Variants in OGDH observed in about 807,000 individuals in gnomAD.
OGDH encodes the protein 2-oxoglutarate dehydrogenase complex component E1.
Under a neutral mutation model 116.6 loss-of-function variants are expected in OGDH, and 38 were observed. The observed-to-expected ratio is 0.33, with a 90% CI of 0.25 to 0.43. The LOEUF (loss-of-function observed/expected upper bound fraction) is 0.43. Among genes scored for constraint, OGDH ranks in the 20% least tolerant of loss-of-function variants. The probability of loss-of-function intolerance (pLI) is 1.00; values close to 1 mark genes in which losing one functional copy is unlikely to be tolerated. For synonymous variants in OGDH, 488 were observed against 533.3 expected, an observed-to-expected ratio of 0.92 and a Z score of 1.17; for missense variants, 825 against 1,357.2, an observed-to-expected ratio of 0.61 and a Z score of 6.16.
intron 9 of OGDH, among the ~76,000 whole-genome samples, chr7:44,680,261 CCCTCTT>C (rs1044329556): frequency 3.3e-4 from 50 of 152,198 alleles, no homozygotes; most frequent in African/African-American, 1.2e-3. Context: ...TTCTCTCTCT[CCCTCTT>C]CCTCTTCACC....
chr7:44,681,975 A>G, intron 10 of OGDH, 127 bp downstream of exon 10: 3 of 1,256,346 alleles, frequency 2.4e-6, no homozygotes, highest in East Asian at 4.9e-5. Flanking sequence ...AACCAGGTGC[A>G]GTGGCTCACG....
rs1396720521 is a variant in OGDH, at chr7:44,708,159, C to T, written c.*160C>T. 2 of 1,029,282 alleles carry T rather than the reference C, an allele frequency of 1.9e-6. No individual in the cohort carries two copies. The highest frequency in any genetic ancestry group is 2.6e-5 in the East Asian group (1 of 39,150). 63.8% of individuals were successfully genotyped at this position (1,029,282 alleles called of 1,614,324 possible). On this transcript the variant is annotated 3_prime_UTR_variant, in exon 23 of 23. Transcript: ENST00000222673. The stretch of plus-strand genomic sequence containing the variant: ...CTCATAGGAGTTAGGCTGTCGTCCC[C>T]CTCCAGTGCTTGGCTGCCCCACAGG...
rs144402620 is a variant in OGDH at position 44,707,731 on chromosome 7, C to T, written c.2946C>T (p.Pro982=). 28 of 1,614,126 alleles carry T rather than the reference C, an allele frequency of 1.7e-5. No homozygotes were observed. The highest frequency in any genetic ancestry group is 8.0e-5 in the African/African-American group (6 of 75,036). Residue 982 remains proline (P), a synonymous_variant, in exon 22 of 23, where the codon CCC becomes CCT. Transcript: ENST00000222673. This position sits in a 1 kb window ranked among gnomAD's most constrained non-coding sequence, Gnocchi z 5.2. ...RLRTTISRAK[P]VWYAGRDPAA... Reference sequence around the variant, plus strand: ...GGACCACCATCAGCCGCGCCAAGCCCGTCTGGTAAGGCTTCAGTCCCTGCC... The same window carrying T: ...GGACCACCATCAGCCGCGCCAAGCCTGTCTGGTAAGGCTTCAGTCCCTGCC...
chr7:44,687,510 G>A (rs959407885), intron 10 of OGDH, among the ~76,000 whole-genome samples: 15 of 152,148 alleles, frequency 9.9e-5, no homozygotes, highest in Admixed American at 3.9e-4. Context: ...CCACCTCCGA[G>A]GCTCAAGCAA....
chr7:44,620,051 C>T (rs1386193020), intron 1 of OGDH, among the ~76,000 whole-genome samples: 2 of 152,084 alleles, frequency 1.3e-5, no homozygotes, highest in East Asian at 3.9e-4. Context: ...GACAGAGTCT[C>T]GCTCTGTCAC....
At chr7:44,675,333 T>C in intron 8 of OGDH, 65 bp downstream of exon 8, 1 of 1,322,934 alleles carries the variant, frequency 7.6e-7, no homozygotes, top group Non-Finnish European at 1.1e-6. Context: ...CTGGCTCCAC[T>C]TCTTTCTTAG....
At chr7:44,653,265 G>T (rs1387609310) in intron 4 of OGDH, among the ~76,000 whole-genome samples, 1 of 151,948 alleles carries the variant, frequency 6.6e-6, no homozygotes, top group East Asian at 1.9e-4. Flanking sequence ...GCTAATTTTT[G>T]TATTTTTAGT....
At chr7:44,657,427 T>TA (rs1562646214) in intron 4 of OGDH, among the ~76,000 whole-genome samples, 1 of 152,238 alleles carries the variant, frequency 6.6e-6, no homozygotes, top group African/African-American at 2.4e-5. Flanking sequence ...TGTGAATCAA[T>TA]AGTTTGTTCC....
chr7:44,607,581 C>G (rs1488755025), intron 1 of OGDH, among the ~76,000 whole-genome samples: 1 of 152,186 alleles, frequency 6.6e-6, no homozygotes, highest in Admixed American at 6.5e-5. Flanking sequence ...GCACTAGTTG[C>G]AACAGTCAAA....
At position 44,673,826 on chromosome 7, in the gene OGDH, A is replaced by G; in HGVS notation, c.673A>G (p.Ile225Val). 2 of 1,614,220 alleles carry G rather than the reference A, an allele frequency of 1.2e-6. No individual in the cohort carries two copies. The highest frequency in any genetic ancestry group is 1.7e-6 in the Non-Finnish European group (2 of 1,180,030). Residue 225 changes from isoleucine (I) to valine (V), a missense_variant, in exon 6 of 23, where the codon ATC (isoleucine) becomes GTC (valine). Ile to Val is a conservative substitution (Grantham distance 29). Coordinates refer to ENST00000222673, the MANE Select transcript of OGDH (RefSeq NM_002541.4). The part of the protein sequence containing the change: ...CQHIGVEFMF[I>V]NDLEQCQWIR... Reference sequence around the variant, plus strand: ...GCATATTGGGGTGGAGTTCATGTTCATCAATGACCTGGAGCAGTGCCAGTG... The same window carrying G: ...GCATATTGGGGTGGAGTTCATGTTCGTCAATGACCTGGAGCAGTGCCAGTG...
chr7:44,707,557 T>G lies in OGDH; in HGVS notation c.2797-25T>G, dbSNP rs1182810005. 6.2e-7 allele frequency: 1 copy of G among 1,612,078 alleles called. No homozygotes were observed. The highest frequency in any genetic ancestry group is 8.5e-7 in the Non-Finnish European group (1 of 1,179,438). The stretch of plus-strand genomic sequence containing the variant: ...GCCTGCCCTCTGAGTTTCCTCTTTT[T>G]GATCTGACCCCTGCTGTCTCCTAGC... On this transcript the variant is annotated intron_variant, in intron 21 of 22. Transcript: ENST00000222673. The surrounding 1 kb of genome is among the most constrained non-coding windows in gnomAD (Gnocchi z 5.2).
At chr7:44,704,566 T>A (rs144360930) in intron 20 of OGDH, among the ~76,000 whole-genome samples, 241 of 152,206 alleles carry the variant, frequency 1.6e-3, no homozygotes, top group African/African-American at 5.1e-3. Flanking sequence ...TGTTTTTGAG[T>A]CTTAAGAGTT....
intron 3 of OGDH, among the ~76,000 whole-genome samples, chr7:44,646,762 A>G (rs558004187): frequency 2.4e-4 from 36 of 152,238 alleles, no homozygotes; most frequent in African/African-American, 8.4e-4. Context: ...GTGGTGTAGC[A>G]GGGTTTTTTT....
intron 1 of OGDH, among the ~76,000 whole-genome samples, chr7:44,620,526 A>T (rs1784970281): frequency 6.6e-6 from 1 of 152,226 alleles, no homozygotes; most frequent in South Asian, 2.1e-4. Flanking sequence ...TGTCTATGCA[A>T]CTTCATTCCT....
intron 4 of OGDH, among the ~76,000 whole-genome samples, chr7:44,654,152 G>A (rs952284208): frequency 1.3e-5 from 2 of 152,232 alleles, no homozygotes; most frequent in Non-Finnish European, 2.9e-5. Flanking sequence ...ACCACGCTCC[G>A]TGAGATGTAC....
intron 4 of OGDH, among the ~76,000 whole-genome samples, chr7:44,663,443 G>T (rs893593099): frequency 6.6e-6 from 1 of 152,174 alleles, no homozygotes; most frequent in Admixed American, 6.6e-5. Context: ...GACCAGCCCG[G>T]CCAACGTGGG....
intron 1 of OGDH, among the ~76,000 whole-genome samples, chr7:44,621,033 T>G (rs999531391): frequency 6.6e-6 from 1 of 152,260 alleles, no homozygotes; most frequent in African/African-American, 2.4e-5. Flanking sequence ...TAATGTTGAC[T>G]GGCTGGCAGT....
At chr7:44,687,904 GTTATC>G (rs1259097442) in intron 10 of OGDH, among the ~76,000 whole-genome samples, 1 of 151,998 alleles carries the variant, frequency 6.6e-6, no homozygotes, top group African/African-American at 2.4e-5. Context: ...GCATCCCTTA[GTTATC>G]TTACTCCTAC....
chr7:44,680,224 AAAG>A (rs539873177), intron 9 of OGDH, among the ~76,000 whole-genome samples: 292 of 152,264 alleles, frequency 1.9e-3, no homozygotes, highest in African/African-American at 6.8e-3. Context: ...AAAAAAAGAA[AAAG>A]AAGAAAAGAA....
Sources: gnomAD v4.1 joint callset for allele counts (sites outside exome capture counted in the v4.1 genomes callset) on GRCh38, gnomAD v4.1.1 for gene constraint, Gnocchi (gnomAD v3.1) non-coding constraint, MANE v1.5 for transcripts, NCBI Gene and HGNC (gene_info 2026-07-23, HGNC 2026-07-21) for gene names.